SPRYD7: variants seen among roughly 807,000 people sequenced by gnomAD.
SPRYD7 encodes SPRY domain-containing protein 7.
In SPRYD7, 14 loss-of-function variants were observed where a neutral mutation model predicts 23.8. The ratio of observed to expected loss-of-function variants is 0.59; its 90% CI spans 0.39 to 0.92. The LOEUF (loss-of-function observed/expected upper bound fraction) is 0.92. Among genes scored for constraint, SPRYD7 ranks in the 40% least tolerant of loss-of-function variants. The pLI, the probability that SPRYD7 is intolerant of heterozygous loss-of-function variation, is 0.00. For synonymous variants in SPRYD7, 75 were observed against 84.9 expected (o/e 0.88, Z 0.64); for missense variants, 194 against 241.7 (o/e 0.80, Z 1.31).
In SPRYD7 at chr13:49,936,334, T is replaced by G; in HGVS notation, c.-99A>C. The G allele has an allele frequency of 3.8e-6, 3 of 799,028 alleles. No homozygotes were observed. The highest frequency in any genetic ancestry group is 3.8e-6 in the Non-Finnish European group (2 of 520,958). 49.5% of individuals were successfully genotyped at this position (799,028 alleles called of 1,614,324 possible). A position where few individuals can be genotyped will look rare whatever the true frequency, so the allele number is the denominator to read the frequency against. On this transcript the variant is annotated 5_prime_UTR_variant, in exon 1 of 5. Coordinates refer to ENST00000361840, the MANE Select transcript of SPRYD7 (RefSeq NM_020456.4). ...CCTGCCCCCGCCCGAGGTCCGGACTTGTCTATGTGGAGCTCGGAGGCCGGT... is the reference window on the plus strand; with the variant it reads ...CCTGCCCCCGCCCGAGGTCCGGACTGGTCTATGTGGAGCTCGGAGGCCGGT...
At chr13:49,930,772 A>T (rs1955939109) in intron 2 of SPRYD7, among the ~76,000 whole-genome samples, 1 of 152,116 alleles carries the variant, frequency 6.6e-6, no homozygotes, top group South Asian at 2.1e-4. Context: ...ACACTTTCAT[A>T]CATAGAGTTC....
intron 1 of SPRYD7, 62 bp downstream of exon 1, chr13:49,936,068 C>G: frequency 8.3e-7 from 1 of 1,199,560 alleles, no homozygotes; most frequent in South Asian, 1.5e-5. Flanking sequence ...CCCTGAAGGT[C>G]CCCCTGCCCG....
intron 3 of SPRYD7, among the ~76,000 whole-genome samples, chr13:49,924,615 T>C (rs940474651): frequency 6.6e-6 from 1 of 152,100 alleles, no homozygotes; most frequent in Non-Finnish European, 1.5e-5. Context: ...CTGAGCTATA[T>C]AGTCTTGTAA....
Position 49,927,910 on chromosome 13 carries a change from G to A in SPRYD7, c.390+9C>T. ...TTACAGTGGAAAGCAACTCCATGAG[G>A]GAACTCACCACCACATCTCCTTCCT... On this transcript the variant is annotated intron_variant, in intron 3 of 4. Transcript: ENST00000361840. The A allele has an allele frequency of 6.2e-7, 1 of 1,613,902 alleles. No individual in the cohort carries two copies. Among genetic ancestry groups the A allele is most frequent in the South Asian group, 1.1e-5 (1 of 91,006 alleles).
At chr13:49,924,344 C>T (rs1258303637) in intron 3 of SPRYD7, among the ~76,000 whole-genome samples, 3 of 151,978 alleles carry the variant, frequency 2.0e-5, no homozygotes, top group East Asian at 1.9e-4. Flanking sequence ...GGCAGGATCA[C>T]GGCTCACTGC....
chr13:49,927,108 C>A (rs1026711820), intron 3 of SPRYD7, among the ~76,000 whole-genome samples: 1 of 152,096 alleles, frequency 6.6e-6, no homozygotes. Flanking sequence ...GAGTTCCGTT[C>A]TCTGAAGAGT....
intron 1 of SPRYD7, among the ~76,000 whole-genome samples, chr13:49,934,331 A>G (rs1445871409): frequency 1.3e-5 from 2 of 152,056 alleles, no homozygotes; most frequent in Non-Finnish European, 2.9e-5. Context: ...GCTGAGAGGC[A>G]GGCAGATCAC....
rs1955729393 is a variant in SPRYD7, at chr13:49,914,406, T to A, written c.*657A>T. 6.5e-6 allele frequency: 1 copy of A among 153,084 alleles called. No homozygotes were observed. The highest frequency in any genetic ancestry group is 6.6e-5 in the Admixed American group (1 of 15,262). The allele number at this position is 153,084 out of a possible 1,614,324, so 9.5% of individuals were successfully genotyped here. On this transcript the variant is annotated 3_prime_UTR_variant, in exon 5 of 5. Coordinates refer to ENST00000361840, the MANE Select transcript of SPRYD7 (RefSeq NM_020456.4). ...CTGCCAGTGTATACTACATTACTAA[T>A]CAACCACTACTTACTCTGAAATTGA...
chr13:49,917,966 TG>T (rs2138212519), intron 4 of SPRYD7, among the ~76,000 whole-genome samples: 1 of 152,340 alleles, frequency 6.6e-6, no homozygotes, highest in Admixed American at 6.5e-5. Flanking sequence ...TCACAAGCTT[TG>T]GCTATTATCA....
intron 3 of SPRYD7, among the ~76,000 whole-genome samples, chr13:49,923,981 G>A (rs992756486): frequency 6.6e-6 from 1 of 151,020 alleles, no homozygotes; most frequent in East Asian, 1.9e-4. Flanking sequence ...TTTGAGACAA[G>A]GTCTTTTTTT....
At chr13:49,920,787 C>A (rs1199640733) in intron 4 of SPRYD7, among the ~76,000 whole-genome samples, 1 of 151,900 alleles carries the variant, frequency 6.6e-6, no homozygotes, top group African/African-American at 2.4e-5. Context: ...ATGGTGAAAC[C>A]CCATCTCTAC....
rs560277972 is a variant in SPRYD7, at chr13:49,932,869, CTTTT to C, written c.107-1739_107-1736del. On this transcript the variant is annotated intron_variant, in intron 1 of 4. Coordinates refer to ENST00000361840, the MANE Select transcript of SPRYD7 (RefSeq NM_020456.4). ...ATGATTACTAAAAATTCATTAACATCTTTTTTTTTCTAATTAAAAAAGTTAACCC... is the reference window on the plus strand; with the variant it reads ...ATGATTACTAAAAATTCATTAACATCTTTTTCTAATTAAAAAAGTTAACCC... Among the ~76,000 whole-genome samples the C allele has an allele frequency of 4.2e-3, 638 of 151,626 alleles. 2 individuals are homozygous for C. The highest frequency in any genetic ancestry group is 6.8e-3 in the Non-Finnish European group (459 of 67,846).
chr13:49,932,549 T>C (rs1049144460), intron 1 of SPRYD7, among the ~76,000 whole-genome samples: 5 of 152,168 alleles, frequency 3.3e-5, no homozygotes, highest in Admixed American at 6.5e-5. Flanking sequence ...AATTCTAATA[T>C]GTAAGAAATA....
At chr13:49,935,796 GT>G (rs1871598457) in intron 1 of SPRYD7, 1 of 200,668 alleles carries the variant, frequency 5.0e-6, no homozygotes, top group African/African-American at 2.3e-5. Flanking sequence ...AAATGTGTAG[GT>G]TTTCACTGGG....
intron 2 of SPRYD7, among the ~76,000 whole-genome samples, chr13:49,930,441 C>T (rs1385831620): frequency 2.0e-5 from 3 of 151,954 alleles, no homozygotes; most frequent in Non-Finnish European, 4.4e-5. Flanking sequence ...ATTAGCTGGG[C>T]ATGGTGGTGC....
At chr13:49,931,892 G>C (rs1871400061) in intron 1 of SPRYD7, among the ~76,000 whole-genome samples, 1 of 152,228 alleles carries the variant, frequency 6.6e-6, no homozygotes, top group South Asian at 2.1e-4. Flanking sequence ...AGGTTGCAGT[G>C]AACTGAGATT....
At chr13:49,920,370 T>G (rs1955804735) in intron 4 of SPRYD7, among the ~76,000 whole-genome samples, 2 of 152,228 alleles carry the variant, frequency 1.3e-5, no homozygotes, top group East Asian at 1.9e-4. Flanking sequence ...TTGTAAGGGT[T>G]ATTAATGTAC....
In SPRYD7 at chr13:49,927,907, G is replaced by T. The variant is rs1455593619; in HGVS notation, c.390+12C>A. 1 of 1,613,758 alleles carries T rather than the reference G, an allele frequency of 6.2e-7. No homozygotes were observed. The highest frequency in any genetic ancestry group is 8.5e-7 in the Non-Finnish European group (1 of 1,179,888). On this transcript the variant is annotated intron_variant, in intron 3 of 4. Coordinates refer to ENST00000361840, the MANE Select transcript of SPRYD7 (RefSeq NM_020456.4). ...CATTTACAGTGGAAAGCAACTCCAT[G>T]AGGGAACTCACCACCACATCTCCTT...
rs1190456570 is a variant in SPRYD7, at chr13:49,915,116, G to A, written c.538C>T (p.His180Tyr). Residue 180 changes from histidine (H) to tyrosine (Y), a missense_variant, in exon 5 of 5, where the codon CAT becomes TAT. Transcript: ENST00000361840. ...TTTTCAAAACCAGGTGGAGGCGTAT[G>A]ATAAAACTCACTGAACTGGCAATCC... is the stretch of plus-strand genomic sequence containing the variant. ...ILDCQFSEFY[H>Y]TPPPGFEKIL... 1 of 1,573,008 alleles carries A rather than the reference G, an allele frequency of 6.4e-7. No homozygotes were observed. The highest frequency in any genetic ancestry group is 8.6e-7 in the Non-Finnish European group (1 of 1,157,700).
Sources: gnomAD v4.1 joint callset for allele counts (sites outside exome capture counted in the v4.1 genomes callset) on GRCh38, gnomAD v4.1.1 for gene constraint, MANE v1.5 for transcripts, NCBI Gene and HGNC (gene_info 2026-07-23, HGNC 2026-07-21) for gene names.